ALK: variants seen among roughly 807,000 people sequenced by gnomAD.
ALK encodes the protein ALK tyrosine kinase receptor.
Under a neutral mutation model 163.1 loss-of-function variants are expected in ALK, and 74 were observed. The observed-to-expected ratio is 0.45, with a 90% CI of 0.38 to 0.55. The LOEUF (loss-of-function observed/expected upper bound fraction) is 0.55. Among genes scored for constraint, ALK ranks in the 20% least tolerant of loss-of-function variants. The pLI, the probability that ALK is intolerant of heterozygous loss-of-function variation, is 0.00. For missense variants in ALK, 2,063 were observed against 2,105.3 expected (o/e 0.98, Z 0.39); for synonymous variants, 960 against 843.2 (o/e 1.14, Z -2.40).
chr2:29,914,504 A>G (rs576368669), intron 1 of ALK, among the ~76,000 whole-genome samples: 3 of 152,224 alleles, frequency 2.0e-5, no homozygotes, highest in Non-Finnish European at 2.9e-5. Flanking sequence ...CTATTATATA[A>G]AAAAACAATA....
At chr2:29,824,807 T>C (rs948984817) in intron 1 of ALK, among the ~76,000 whole-genome samples, 1 of 151,490 alleles carries the variant, frequency 6.6e-6, no homozygotes, top group African/African-American at 2.4e-5. Context: ...TGTGGACTTT[T>C]GAGTTAATGC....
At chr2:29,701,664 C>G (rs982848272) in intron 2 of ALK, among the ~76,000 whole-genome samples, 1 of 152,128 alleles carries the variant, frequency 6.6e-6, no homozygotes, top group East Asian at 1.9e-4. Context: ...ATGGAGAGGA[C>G]TTCTGTGAAG....
chr2:29,696,935 A>AT (rs1678584299), intron 2 of ALK, among the ~76,000 whole-genome samples: 1 of 150,510 alleles, frequency 6.6e-6, no homozygotes, highest in Admixed American at 6.6e-5. Flanking sequence ...TAAAAAAAAA[A>AT]ATAAAATAAA....
At chr2:29,518,194 C>CTT (rs1221560096) in intron 4 of ALK, among the ~76,000 whole-genome samples, 1 of 152,148 alleles carries the variant, frequency 6.6e-6, no homozygotes, top group Non-Finnish European at 1.5e-5. Flanking sequence ...ACACTTAAGA[C>CTT]AACAGTGCAG....
intron 3 of ALK, among the ~76,000 whole-genome samples, chr2:29,625,428 GTTC>G (rs1433110851): frequency 6.6e-6 from 1 of 152,170 alleles, no homozygotes; most frequent in Non-Finnish European, 1.5e-5. Flanking sequence ...CATTTGCAAA[GTTC>G]TTCTTCCCCA....
chr2:29,907,237 T>C (rs1318335245), intron 1 of ALK: 3 of 152,182 alleles, frequency 2.0e-5, no homozygotes, highest in Non-Finnish European at 4.4e-5. Flanking sequence ...CTCTTTCAGA[T>C]ACCTGAAATC....
At chr2:29,832,348 C>T (rs1209002693) in intron 1 of ALK, among the ~76,000 whole-genome samples, 5 of 152,128 alleles carry the variant, frequency 3.3e-5, no homozygotes, top group African/African-American at 7.2e-5. Flanking sequence ...GAAGCAGAGG[C>T]AGAGCCTGAT....
At chr2:29,591,224 C>G (rs1235501603) in intron 3 of ALK, among the ~76,000 whole-genome samples, 1 of 152,016 alleles carries the variant, frequency 6.6e-6, no homozygotes, top group Non-Finnish European at 1.5e-5. Context: ...AAACAAAACA[C>G]CAGTTCTGTC....
intron 23 of ALK, among the ~76,000 whole-genome samples, chr2:29,220,308 G>A (rs1296183258): frequency 2.0e-5 from 3 of 152,088 alleles, no homozygotes; most frequent in African/African-American, 4.8e-5. Flanking sequence ...CATGTAAGAC[G>A]TGCCTCCTTC....
At chr2:29,298,569 CTTGATTTCCACAG>C (rs769257691) in intron 8 of ALK, among the ~76,000 whole-genome samples, 1 of 152,138 alleles carries the variant, frequency 6.6e-6, no homozygotes, top group Non-Finnish European at 1.5e-5. Context: ...TTCATTCTCT[CTTGATTTCCACAG>C]TTGATTTCCA....
At chr2:29,564,656 GA>G (rs1674127697) in intron 3 of ALK, among the ~76,000 whole-genome samples, 1 of 152,198 alleles carries the variant, frequency 6.6e-6, no homozygotes, top group African/African-American at 2.4e-5. Context: ...CATATTTGCA[GA>G]GTCTTGGAAT....
intron 4 of ALK, among the ~76,000 whole-genome samples, chr2:29,500,049 G>A (rs1672127727): frequency 6.6e-6 from 1 of 151,996 alleles, no homozygotes; most frequent in South Asian, 2.1e-4. Context: ...TCCTCAACAC[G>A]GCTCCTCAAC....
intron 1 of ALK, among the ~76,000 whole-genome samples, chr2:29,828,926 C>G (rs553860290): frequency 6.6e-6 from 1 of 151,922 alleles, no homozygotes; most frequent in African/African-American, 2.4e-5. Context: ...AAATGTCCAA[C>G]AATGATAGAC....
At chr2:29,535,849 T>G (rs1208815780) in intron 3 of ALK, among the ~76,000 whole-genome samples, 1 of 152,222 alleles carries the variant, frequency 6.6e-6, no homozygotes, top group Non-Finnish European at 1.5e-5. Context: ...CCCCAAGTCC[T>G]AAACTCTTCT....
chr2:29,454,949 T>C (rs1054618986), intron 4 of ALK, among the ~76,000 whole-genome samples: 5 of 152,160 alleles, frequency 3.3e-5, no homozygotes, highest in Non-Finnish European at 7.4e-5. Flanking sequence ...GCTTCACAGA[T>C]GAGGAAGCGG....
In ALK at chr2:29,907,701, T is replaced by C. The variant is rs144077644; in HGVS notation, c.667+12292A>G. Among the ~76,000 whole-genome samples the C allele has an allele frequency of 2.6e-3, 402 of 152,340 alleles. 2 individuals are homozygous for C. The highest frequency in any genetic ancestry group is 9.4e-3 in the African/African-American group (391 of 41,572). On this transcript the variant is annotated intron_variant, in intron 1 of 28. Coordinates refer to ENST00000389048, the MANE Select transcript of ALK (RefSeq NM_004304.5). ...CGTCCTCTGGAAAACTCATCTCTTT[T>C]TTTCAAGGATTAAATTACCACGTGC...
intron 4 of ALK, among the ~76,000 whole-genome samples, chr2:29,467,395 C>G (rs58683371): frequency 6.6e-6 from 1 of 152,166 alleles, no homozygotes; most frequent in African/African-American, 2.4e-5. Context: ...TGAACAAGCC[C>G]TCAGAGCCTG....
At chr2:29,868,603 G>A (rs1054151008) in intron 1 of ALK, among the ~76,000 whole-genome samples, 3 of 152,078 alleles carry the variant, frequency 2.0e-5, no homozygotes, top group Non-Finnish European at 4.4e-5. Context: ...AGATATCTAG[G>A]GGAGGGGAAG....
At chr2:29,721,187 C>A (rs1679410583) in intron 1 of ALK, among the ~76,000 whole-genome samples, 1 of 152,204 alleles carries the variant, frequency 6.6e-6, no homozygotes, top group South Asian at 2.1e-4. Flanking sequence ...AGAGTGAAAA[C>A]CTCAAGCTCT....
Sources: gnomAD v4.1 joint callset for allele counts (sites outside exome capture counted in the v4.1 genomes callset) on GRCh38, gnomAD v4.1.1 for gene constraint, MANE v1.5 for transcripts, NCBI Gene and HGNC (gene_info 2026-07-23, HGNC 2026-07-21) for gene names.